TCERG1L: variants seen among roughly 807,000 people sequenced by gnomAD.
The protein encoded by TCERG1L is transcription elongation regulator 1 like, also known as transcription elongation regulator 1-like protein.
In TCERG1L, 37 loss-of-function variants were observed where a neutral mutation model predicts 56.3. The observed-to-expected ratio is 0.66, with a 90% CI of 0.51 to 0.87. The LOEUF is 0.87. Among genes scored for constraint, TCERG1L ranks in the 40% least tolerant of loss-of-function variants. The pLI is 0.00. For missense variants in TCERG1L, 799 were observed against 774.2 expected (o/e 1.03, Z -0.38); for synonymous variants, 324 against 326.3 (o/e 0.99, Z 0.08).
chr10:131,299,150 C>A (rs1846730677), intron 3 of TCERG1L, among the ~76,000 whole-genome samples: 1 of 152,056 alleles, frequency 6.6e-6, no homozygotes, highest in African/African-American at 2.4e-5. Context: ...CTTCAGCTTT[C>A]TTTTGATTTA....
chr10:131,219,392 G>T (rs970246811), intron 4 of TCERG1L, among the ~76,000 whole-genome samples: 1 of 152,206 alleles, frequency 6.6e-6, no homozygotes, highest in Non-Finnish European at 1.5e-5. Context: ...GACCGCCAGC[G>T]GCTTCGAGTT....
At chr10:131,242,591 A>C (rs1845985553) in intron 4 of TCERG1L, among the ~76,000 whole-genome samples, 1 of 152,206 alleles carries the variant, frequency 6.6e-6, no homozygotes, top group Non-Finnish European at 1.5e-5. Flanking sequence ...CCTTATAGGA[A>C]ATGCTTGCAA....
chr10:131,250,076 C>T (rs776665162), intron 4 of TCERG1L, among the ~76,000 whole-genome samples: 76 of 152,182 alleles, frequency 5.0e-4, no homozygotes, highest in Non-Finnish European at 8.7e-4. Flanking sequence ...AAGGAGGTAT[C>T]ACAGACCAGG....
intron 8 of TCERG1L, among the ~76,000 whole-genome samples, chr10:131,124,494 T>C (rs1374901315): frequency 6.6e-6 from 1 of 152,162 alleles, no homozygotes; most frequent in African/African-American, 2.4e-5. Context: ...GGCCACTGAG[T>C]TCTACTCTCA....
In TCERG1L at chr10:131,116,843, C is replaced by T; in HGVS notation, c.1351G>A (p.Glu451Lys). 1 of 1,580,954 alleles carries T rather than the reference C, an allele frequency of 6.3e-7. No homozygotes were observed. Among genetic ancestry groups the T allele is most frequent in the East Asian group, 2.3e-5 (1 of 43,200 alleles). Residue 451 changes from glutamate (E) to lysine (K), a missense_variant, in exon 9 of 12, where the codon GAG (glutamate) becomes AAG (lysine). Glu to Lys is a moderately conservative substitution (Grantham distance 56). Transcript: ENST00000368642. The part of the protein sequence containing the change: ...TPPPQILLPL[E>K]ERVTHFRDML... ...TCTCGGAAGTGGGTCACACGCTCCT[C>T]CAGAGGCAGGAGGATCTGCGGGGGC...
At position 131,135,688 on chromosome 10, in the gene TCERG1L, C is replaced by T. The variant is rs550775245; in HGVS notation, c.1190-1240G>A. ...AGCTGCCCAGGCAGCTCATGGTCAC[C>T]CCTGCCCACGAGCCACAGGACCACA... On this transcript the variant is annotated intron_variant, in intron 7 of 11. Coordinates refer to ENST00000368642, the MANE Select transcript of TCERG1L (RefSeq NM_174937.4). 5.3e-5 allele frequency among the ~76,000 whole-genome samples: 8 copies of T among 152,324 alleles called. 1 individual carries two copies. The South Asian group carries it at 1.7e-3, about 32-fold the overall frequency.
chr10:131,163,326 A>C (rs967348517), intron 5 of TCERG1L, 116 bp from the exon 6 acceptor site: 1 of 805,288 alleles, frequency 1.2e-6, no homozygotes, highest in African/African-American at 1.7e-5. Flanking sequence ...TATAGTAGCC[A>C]CGAGATAATG....
At chr10:131,102,498 CAGA>C (rs954869385) in intron 10 of TCERG1L, among the ~76,000 whole-genome samples, 3 of 152,156 alleles carry the variant, frequency 2.0e-5, no homozygotes, top group African/African-American at 7.2e-5. Flanking sequence ...GAGCAGAGGA[CAGA>C]ATTGAAAATA....
rs542245051 is a variant in TCERG1L at position 131,159,695 on chromosome 10, A to G, written c.1034+3427T>C. Among the ~76,000 whole-genome samples the G allele has an allele frequency of 5.2e-5, 5 of 96,124 alleles. No individual in the cohort carries two copies. The East Asian group carries it at 1.4e-3, about 27-fold the overall frequency. 63.1% of individuals were successfully genotyped at this position (96,124 alleles called of 152,430 possible). Reference sequence around the variant, plus strand: ...AGGCATAGAGCCACCCCCCAACCCCACCCCATGGCAGAGAGCTTTTCCTAG... The same window carrying G: ...AGGCATAGAGCCACCCCCCAACCCCGCCCCATGGCAGAGAGCTTTTCCTAG... On this transcript the variant is annotated intron_variant, in intron 6 of 11. Transcript: ENST00000368642.
At chr10:131,237,882 G>A (rs1001611307) in intron 4 of TCERG1L, among the ~76,000 whole-genome samples, 4 of 152,190 alleles carry the variant, frequency 2.6e-5, no homozygotes, top group Admixed American at 2.0e-4. Flanking sequence ...GTTGGCGGGC[G>A]TATGCTCATT....
intron 3 of TCERG1L, among the ~76,000 whole-genome samples, chr10:131,296,229 G>T (rs1266308462): frequency 2.0e-5 from 3 of 152,012 alleles, no homozygotes; most frequent in African/African-American, 7.2e-5. Context: ...GTTTTCTTCA[G>T]AATTTAGTTT....
intron 3 of TCERG1L, among the ~76,000 whole-genome samples, chr10:131,282,091 A>AG (rs1564833077): frequency 2.0e-5 from 3 of 148,190 alleles, no homozygotes; most frequent in South Asian, 4.3e-4. Context: ...AGCGGAGATC[A>AG]CGCCACTGCA....
At chr10:131,136,356 C>T (rs577747465) in intron 7 of TCERG1L, among the ~76,000 whole-genome samples, 99 of 151,884 alleles carry the variant, frequency 6.5e-4, no homozygotes, top group Non-Finnish European at 1.0e-3. Context: ...TTTTTTGAGA[C>T]GGAGTCTCGC....
At chr10:131,218,102 T>C (rs181460550) in intron 4 of TCERG1L, among the ~76,000 whole-genome samples, 58 of 152,286 alleles carry the variant, frequency 3.8e-4, no homozygotes, top group African/African-American at 1.2e-3. Context: ...TGGCCCCAGC[T>C]GCCTGGTTGG....
At chr10:131,279,698 A>C (rs1308977703) in intron 3 of TCERG1L, among the ~76,000 whole-genome samples, 1 of 152,194 alleles carries the variant, frequency 6.6e-6, no homozygotes, top group East Asian at 1.9e-4. Flanking sequence ...CCCGGTGAGG[A>C]TGGCCACACC....
chr10:131,161,724 C>G (rs1156640277), intron 6 of TCERG1L: 5 of 152,242 alleles, frequency 3.3e-5, no homozygotes, highest in African/African-American at 1.2e-4. Flanking sequence ...CTGCCCAACC[C>G]TCTGAGTCCT....
At chr10:131,291,668 C>T (rs1217132282) in intron 3 of TCERG1L, among the ~76,000 whole-genome samples, 2 of 151,388 alleles carry the variant, frequency 1.3e-5, no homozygotes, top group Non-Finnish European at 2.9e-5. Context: ...CCTCGTGATC[C>T]GCCCGTCTCG....
chr10:131,127,819 C>T (rs1845578656), intron 8 of TCERG1L, among the ~76,000 whole-genome samples: 3 of 152,102 alleles, frequency 2.0e-5, no homozygotes. Flanking sequence ...CCCGGGGCCA[C>T]TGCTCTTGTC....
intron 6 of TCERG1L, among the ~76,000 whole-genome samples, chr10:131,147,515 C>T (rs1416019500): frequency 6.6e-6 from 1 of 152,212 alleles, no homozygotes; most frequent in African/African-American, 2.4e-5. Context: ...TGGGTTTAAC[C>T]CCTAAGTCGT....
Sources: gnomAD v4.1 joint callset for allele counts (sites outside exome capture counted in the v4.1 genomes callset) on GRCh38, gnomAD v4.1.1 for gene constraint, MANE v1.5 for transcripts, NCBI Gene and HGNC (gene_info 2026-07-23, HGNC 2026-07-21) for gene names.